The following GBE1 variants were observed in gnomAD, a reference collection of about 807,000 sequenced individuals.
GBE1 encodes the protein 1,4-alpha-glucan-branching enzyme.
In GBE1, 70 loss-of-function variants were observed where a neutral mutation model predicts 88.8. The observed-to-expected ratio is 0.79, with a 90% CI of 0.65 to 0.96. The LOEUF (loss-of-function observed/expected upper bound fraction) is 0.96, where lower values mean the gene tolerates loss of function less well. Ranked by LOEUF, GBE1 falls within the 40% of genes least tolerant of loss-of-function variation. GBE1 has a pLI of 0.00. For missense variants in GBE1, 872 were observed against 871.0 expected, an observed-to-expected ratio of 1.00 and a Z score of -0.01; for synonymous variants, 284 against 300.1, an observed-to-expected ratio of 0.95 and a Z score of 0.56.
At position 81,649,791 on chromosome 3, in the gene GBE1, C is replaced by G; in HGVS notation, c.555+5G>C. 6.3e-7 allele frequency: 1 copy of G among 1,588,544 alleles called. No homozygotes were observed. Among genetic ancestry groups the G allele is most frequent in the Non-Finnish European group, 8.5e-7 (1 of 1,170,416 alleles). On this transcript the variant is annotated splice_donor_5th_base_variant and intron_variant, in intron 4 of 15. Coordinates refer to ENST00000429644, the MANE Select transcript of GBE1 (RefSeq NM_000158.4). Reference sequence around the variant, plus strand: ...ATAATTTATTTAAAGATTTGTTGTTCTCACCTCATATGAGTGTTCTGGATC... The same window carrying G: ...ATAATTTATTTAAAGATTTGTTGTTGTCACCTCATATGAGTGTTCTGGATC...
At chr3:81,509,294 CT>C (rs34753672) in intron 14 of GBE1, among the ~76,000 whole-genome samples, 29,739 of 123,630 alleles carry the variant, frequency 0.24, 2,835 homozygotes, top group East Asian at 0.43. Flanking sequence ...TAGGGTTTGT[CT>C]TTTTTTTTTT....
At chr3:81,658,348 CA>C (rs909320026) in intron 3 of GBE1, among the ~76,000 whole-genome samples, 17 of 149,926 alleles carry the variant, frequency 1.1e-4, no homozygotes, top group African/African-American at 4.2e-4. Context: ...ATGTATAGAA[CA>C]AAAAAAAAGA....
intron 1 of GBE1, chr3:81,743,631 G>C: frequency 6.5e-7 from 1 of 1,533,118 alleles, no homozygotes; most frequent in Non-Finnish European, 8.7e-7. Context: ...AGTGAAATTG[G>C]AACATCCAGA....
intron 11 of GBE1, 27 bp from the exon 12 acceptor site, chr3:81,578,123 A>C (rs190541487): frequency 6.5e-7 from 1 of 1,531,164 alleles, no homozygotes; most frequent in South Asian, 1.3e-5. Context: ...AATGGAGATA[A>C]ATGAAAAAAA....
At chr3:81,662,024 T>C (rs1705038682) in intron 3 of GBE1, among the ~76,000 whole-genome samples, 2 of 152,162 alleles carry the variant, frequency 1.3e-5, no homozygotes, top group African/African-American at 4.8e-5. Flanking sequence ...AATTTATTCA[T>C]TTTTTTAATT....
intron 7 of GBE1, among the ~76,000 whole-genome samples, chr3:81,604,533 C>T (rs1246102675): frequency 6.6e-6 from 1 of 151,904 alleles, no homozygotes; most frequent in Non-Finnish European, 1.5e-5. Context: ...GCAATCTGCC[C>T]ACCTCGGTCT....
At chr3:81,734,291 C>T (rs1013386637) in intron 1 of GBE1, among the ~76,000 whole-genome samples, 2 of 152,178 alleles carry the variant, frequency 1.3e-5, no homozygotes, top group Middle Eastern at 3.4e-3. Flanking sequence ...AGTCAAAACG[C>T]TACAGAGAAA....
chr3:81,512,015 T>C (rs1297050792), intron 14 of GBE1, among the ~76,000 whole-genome samples: 1 of 151,972 alleles, frequency 6.6e-6, no homozygotes, highest in Non-Finnish European at 1.5e-5. Flanking sequence ...TACACAGCCA[T>C]TGAAAAGATG....
intron 14 of GBE1, among the ~76,000 whole-genome samples, chr3:81,527,055 A>G (rs909263882): frequency 6.6e-6 from 1 of 152,120 alleles, no homozygotes; most frequent in African/African-American, 2.4e-5. Flanking sequence ...GAGCCCTCAG[A>G]AATAATGCCG....
intron 1 of GBE1, among the ~76,000 whole-genome samples, chr3:81,744,911 T>A (rs1706400455): frequency 6.6e-6 from 1 of 152,204 alleles, no homozygotes; most frequent in Non-Finnish European, 1.5e-5. Flanking sequence ...AATAGAGAAA[T>A]AATTTTGAGA....
rs1491188517 is a variant in GBE1, at chr3:81,750,644, T to TAC, written c.143+10730_143+10731insGT. Among the ~76,000 whole-genome samples the TAC allele has an allele frequency of 4.7e-4, 24 of 50,900 alleles. 3 individuals are homozygous for TAC. The highest frequency in any genetic ancestry group is 6.2e-3 in the Middle Eastern group (1 of 162). 33.4% of individuals were successfully genotyped at this position (50,900 alleles called of 152,430 possible). A position where few individuals can be genotyped will look rare whatever the true frequency, so the allele number is the denominator to read the frequency against. On this transcript the variant is annotated intron_variant, in intron 1 of 15. Coordinates refer to ENST00000429644, the MANE Select transcript of GBE1 (RefSeq NM_000158.4). ...ATATATATATACGTATATATATATA[T>TAC]GTATATATATATATGTATATATATA...
At chr3:81,629,297 C>T (rs376579205) in intron 7 of GBE1, among the ~76,000 whole-genome samples, 11 of 148,196 alleles carry the variant, frequency 7.4e-5, no homozygotes, top group African/African-American at 2.0e-4. Flanking sequence ...TTTGTTCTTG[C>T]GATAGTTTCC....
chr3:81,532,732 A>C (rs1703026072), intron 14 of GBE1, among the ~76,000 whole-genome samples: 1 of 152,010 alleles, frequency 6.6e-6, no homozygotes, highest in African/African-American at 2.4e-5. Flanking sequence ...CTATTATGTG[A>C]TCTCCATCTG....
intron 7 of GBE1, among the ~76,000 whole-genome samples, chr3:81,615,242 A>G (rs2107000658): frequency 6.6e-6 from 1 of 152,260 alleles, no homozygotes; most frequent in South Asian, 2.1e-4. Flanking sequence ...AAAGCTGTAG[A>G]TTTATATGCA....
At chr3:81,740,612 A>C (rs1172137286) in intron 1 of GBE1, among the ~76,000 whole-genome samples, 1 of 152,156 alleles carries the variant, frequency 6.6e-6, no homozygotes, top group Non-Finnish European at 1.5e-5. Context: ...ATTGAAAATG[A>C]GGAGTATGAA....
chr3:81,635,025 G>A (rs1449997789), intron 7 of GBE1, among the ~76,000 whole-genome samples: 1 of 152,138 alleles, frequency 6.6e-6, no homozygotes, highest in Non-Finnish European at 1.5e-5. Context: ...TTAACACAGT[G>A]TTAAGAACAG....
chr3:81,519,522 T>C (rs1702844142), intron 14 of GBE1, among the ~76,000 whole-genome samples: 1 of 151,420 alleles, frequency 6.6e-6, no homozygotes, highest in Admixed American at 6.6e-5. Context: ...TCTTGTGTTG[T>C]TTATGGTCTC....
chr3:81,553,573 T>C (rs1002815696), intron 12 of GBE1, among the ~76,000 whole-genome samples: 5 of 143,738 alleles, frequency 3.5e-5, no homozygotes, highest in Admixed American at 7.0e-5. Context: ...GTATTCCTCA[T>C]GGAAAATGTC....
chr3:81,615,065 C>T (rs1437240673), intron 7 of GBE1, among the ~76,000 whole-genome samples: 1 of 151,802 alleles, frequency 6.6e-6, no homozygotes, highest in African/African-American at 2.4e-5. Context: ...AATAAAGAAT[C>T]TATTTGAAAA....
Sources: allele counts gnomAD v4.1 joint callset (sites outside exome capture counted in the v4.1 genomes callset), GRCh38; gene constraint gnomAD v4.1.1; transcripts MANE v1.5; gene names NCBI Gene and HGNC (gene_info 2026-07-23, HGNC 2026-07-21).